The following PWWP3A variants were observed in gnomAD, a reference collection of about 807,000 sequenced individuals.
PWWP3A encodes the protein PWWP domain containing 3A, DNA repair factor, also known as PWWP domain-containing DNA repair factor 3A.
In PWWP3A, 53 loss-of-function variants were observed where a neutral mutation model predicts 79.0. The ratio of observed to expected loss-of-function variants is 0.67; its 90% CI spans 0.54 to 0.84. The LOEUF is 0.84. Ranked by LOEUF, PWWP3A falls within the 40% of genes least tolerant of loss-of-function variation. The pLI, the probability that PWWP3A is intolerant of heterozygous loss-of-function variation, is 0.00. For synonymous variants in PWWP3A, 443 were observed against 394.4 expected, an observed-to-expected ratio of 1.12 and a Z score of -1.46; for missense variants, 973 against 948.0, an observed-to-expected ratio of 1.03 and a Z score of -0.35.
At chr19:1,361,116 GT>G (rs2082006052) in intron 5 of PWWP3A, 84 bp downstream of exon 5, 10 of 1,309,288 alleles carry the variant, frequency 7.6e-6, no homozygotes, top group Non-Finnish European at 9.8e-6. Flanking sequence ...GCACGTGGGT[GT>G]TTTTGACCAG....
chr19:1,366,433 C>G (rs771438652), intron 8 of PWWP3A, 52 bp downstream of exon 8: 4 of 1,534,542 alleles, frequency 2.6e-6, no homozygotes, highest in Non-Finnish European at 3.6e-6. Context: ...CCAGGCCGGC[C>G]GCTCTCAGAG....
intron 3 of PWWP3A, chr19:1,357,379 G>A (rs1254832844): frequency 4.6e-6 from 1 of 217,566 alleles, no homozygotes; most frequent in Non-Finnish European, 8.9e-6. Context: ...CCCTATTTGT[G>A]GTTAAAATAG....
rs113538104 is a variant in PWWP3A, at chr19:1,367,281, C to T, written c.1422+61C>T. The T allele has an allele frequency of 1.0e-3, 1,385 of 1,377,486 alleles. 14 individuals are homozygous for T. In the African/African-American group the frequency reaches 0.017, roughly 17 times the overall value. 85.3% of individuals were successfully genotyped at this position (1,377,486 alleles called of 1,614,324 possible). ...TTTACTTTGTGATTAGTAAATATGT[C>T]CTCTGTGTGTAGCTCTTGAAATCCA... is the stretch of plus-strand genomic sequence containing the variant. On this transcript the variant is annotated intron_variant, in intron 9 of 13. Coordinates refer to ENST00000591337, the MANE Select transcript of PWWP3A (RefSeq NM_001369789.1).
chr19:1,369,257 CATT>C lies in PWWP3A; in HGVS notation c.1423-7_1423-5del. ...CCACTGACGCCTGCTGCCCGGATCT[CATT>C]GTAGAATCAAGCCAGGGAGGACTTC... On this transcript the variant is annotated splice_region_variant and splice_polypyrimidine_tract_variant and intron_variant, in intron 9 of 13. Transcript: ENST00000591337. This position sits in a 1 kb window ranked among gnomAD's most constrained non-coding sequence, Gnocchi z 4.0. 1.2e-6 allele frequency: 2 copies of C among 1,613,986 alleles called. No homozygotes were observed. The highest frequency in any genetic ancestry group is 1.7e-6 in the Non-Finnish European group (2 of 1,179,948).
intron 9 of PWWP3A, among the ~76,000 whole-genome samples, chr19:1,367,905 A>G (rs1427994429): frequency 6.6e-6 from 1 of 151,950 alleles, no homozygotes; most frequent in Non-Finnish European, 1.5e-5. Flanking sequence ...TGTCTTTTCC[A>G]CTCTCAGGGA....
At position 1,369,457 on chromosome 19, in the gene PWWP3A, G is replaced by C; in HGVS notation, c.1498+117G>C. On this transcript the variant is annotated intron_variant, in intron 10 of 13. Coordinates refer to ENST00000591337, the MANE Select transcript of PWWP3A (RefSeq NM_001369789.1). The surrounding 1 kb of genome is among the most constrained non-coding windows in gnomAD (Gnocchi z 4.0). ...GCGGGGCATATTTCCGTGGGCCTGGGGCATTCCCTGTGGGTGGGCTGGGGT... is the reference window on the plus strand; with the variant it reads ...GCGGGGCATATTTCCGTGGGCCTGGCGCATTCCCTGTGGGTGGGCTGGGGT... 6.8e-7 allele frequency: 1 copy of C among 1,478,744 alleles called. No homozygotes were observed. Among genetic ancestry groups the C allele is most frequent in the Non-Finnish European group, 9.4e-7 (1 of 1,060,350 alleles). The allele number at this position is 1,478,744 out of a possible 1,614,324, so 91.6% of individuals were successfully genotyped here.
chr19:1,376,295 G>GTTTTTTTTTGTTT (rs2082393950), intron 13 of PWWP3A, among the ~76,000 whole-genome samples: 1 of 67,046 alleles, frequency 1.5e-5, no homozygotes, highest in African/African-American at 5.6e-5. Flanking sequence ...CCGGCTGTTT[G>GTTTTTTTTTGTTT]TTTTTTTTTT....
rs1454562310 is a variant in PWWP3A at position 1,355,026 on chromosome 19, C to G, written c.-179C>G. ...CGGCGGCGGTGGCGGAGGCGGTGAG[C>G]GCGGGCGGCGCGGACGGCAGCGGTT... On this transcript the variant is annotated 5_prime_UTR_variant, in exon 1 of 14. Coordinates refer to ENST00000591337, the MANE Select transcript of PWWP3A (RefSeq NM_001369789.1). 6.7e-6 allele frequency: 1 copy of G among 150,040 alleles called. No individual in the cohort carries two copies. The highest frequency in any genetic ancestry group is 1.5e-5 in the Non-Finnish European group (1 of 67,726). 9.3% of individuals were successfully genotyped at this position (150,040 alleles called of 1,614,324 possible).
chr19:1,365,490 C>T (rs2082109210), intron 7 of PWWP3A, among the ~76,000 whole-genome samples: 1 of 152,296 alleles, frequency 6.6e-6, no homozygotes, highest in Non-Finnish European at 1.5e-5. Context: ...TCACTCGAGT[C>T]ACCCAGGCTC....
rs189670535 is a variant in PWWP3A at position 1,362,716 on chromosome 19, T to G, written c.1213+365T>G. Among the ~76,000 whole-genome samples, 123 of 152,348 alleles carry G rather than the reference T, an allele frequency of 8.1e-4. 2 individuals are homozygous for G. The South Asian group carries it at 0.014, about 18-fold the overall frequency. On this transcript the variant is annotated intron_variant, in intron 6 of 13. Coordinates refer to ENST00000591337, the MANE Select transcript of PWWP3A (RefSeq NM_001369789.1). Reference sequence around the variant, plus strand: ...TGCTCGGGTGTGGCCACGTACTGTCTCGCGGCTTCCGTTGGTGATGGCGTT... The same window carrying G: ...TGCTCGGGTGTGGCCACGTACTGTCGCGCGGCTTCCGTTGGTGATGGCGTT...
At chr19:1,358,134 A>C (rs1444901640) in intron 3 of PWWP3A, 6 of 463,576 alleles carry the variant, frequency 1.3e-5, no homozygotes, top group Admixed American at 3.9e-5. Flanking sequence ...CATAAAAGTC[A>C]CAATTTGAAT....
chr19:1,375,006 G>A (rs978432188), intron 13 of PWWP3A, among the ~76,000 whole-genome samples: 3 of 151,800 alleles, frequency 2.0e-5, no homozygotes, highest in African/African-American at 7.3e-5. Context: ...GGATCACGAG[G>A]TCAGGAGTTC....
chr19:1,370,265 T>C (rs1479851154), intron 11 of PWWP3A, among the ~76,000 whole-genome samples: 1 of 152,104 alleles, frequency 6.6e-6, no homozygotes, highest in Non-Finnish European at 1.5e-5. Context: ...AACACCGGGA[T>C]GTTTGGCCAC....
chr19:1,363,593 G>T (rs2082066748), intron 6 of PWWP3A, among the ~76,000 whole-genome samples: 1 of 152,248 alleles, frequency 6.6e-6, no homozygotes. Context: ...GGCTTCTCCT[G>T]CCTGCGGTGG....
At chr19:1,365,090 AG>A (rs1399337642) in intron 7 of PWWP3A, among the ~76,000 whole-genome samples, 1 of 152,254 alleles carries the variant, frequency 6.6e-6, no homozygotes, top group African/African-American at 2.4e-5. Flanking sequence ...ATTGTACTCC[AG>A]CCTGGGTGAC....
At position 1,364,254 on chromosome 19, in the gene PWWP3A, C is replaced by A. The variant is rs542781715; in HGVS notation, c.1214-255C>A. 7.8e-6 allele frequency: 5 copies of A among 637,606 alleles called. No homozygotes were observed. In the Admixed American group the frequency reaches 9.1e-5, roughly 12 times the overall value. 39.5% of individuals were successfully genotyped at this position (637,606 alleles called of 1,614,324 possible). A position where few individuals can be genotyped will look rare whatever the true frequency, so the allele number is the denominator to read the frequency against. The stretch of plus-strand genomic sequence containing the variant: ...CCTCCCATCCCAAGGGTGCGTTTGT[C>A]GCAGCTGGGAACCCAGTGCAGCACC... On this transcript the variant is annotated intron_variant, in intron 6 of 13. Coordinates refer to ENST00000591337, the MANE Select transcript of PWWP3A (RefSeq NM_001369789.1).
At chr19:1,371,755 G>A (rs2082265150) in intron 12 of PWWP3A, among the ~76,000 whole-genome samples, 1 of 150,126 alleles carries the variant, frequency 6.7e-6, no homozygotes, top group South Asian at 2.1e-4. Flanking sequence ...GAACTCTAAT[G>A]TGCCCATAAC....
In PWWP3A at chr19:1,377,974, T is replaced by C. The variant is rs1159020801; in HGVS notation, c.*1398T>C. Reference sequence around the variant, plus strand: ...GGGAGGTGCCAGAGGCGGCGGCTGCTCTGGACCTCGGTGTTCACTGACCTT... The same window carrying C: ...GGGAGGTGCCAGAGGCGGCGGCTGCCCTGGACCTCGGTGTTCACTGACCTT... On this transcript the variant is annotated 3_prime_UTR_variant, in exon 14 of 14. Coordinates refer to ENST00000591337, the MANE Select transcript of PWWP3A (RefSeq NM_001369789.1). 2.0e-5 allele frequency: 3 copies of C among 152,228 alleles called. No homozygotes were observed. The highest frequency in any genetic ancestry group is 4.4e-5 in the Non-Finnish European group (3 of 68,072). 9.4% of individuals were successfully genotyped at this position (152,228 alleles called of 1,614,324 possible).
intron 7 of PWWP3A, among the ~76,000 whole-genome samples, chr19:1,365,169 T>C (rs2082102222): frequency 6.6e-6 from 1 of 152,210 alleles, no homozygotes; most frequent in South Asian, 2.1e-4. Flanking sequence ...TCATTTTAAA[T>C]ATTGTGCATT....
Sources: gnomAD v4.1 joint callset for allele counts (sites outside exome capture counted in the v4.1 genomes callset) on GRCh38, gnomAD v4.1.1 for gene constraint, Gnocchi (gnomAD v3.1) non-coding constraint, MANE v1.5 for transcripts, NCBI Gene and HGNC (gene_info 2026-07-23, HGNC 2026-07-21) for gene names.